NEURL1: variants seen among roughly 807,000 people sequenced by gnomAD.
NEURL1 encodes the protein E3 ubiquitin-protein ligase NEURL1.
NEURL1 carries 26 observed loss-of-function variants against 41.2 expected under a neutral mutation model. The ratio of observed to expected loss-of-function variants is 0.63; its 90% CI spans 0.46 to 0.87. The LOEUF (loss-of-function observed/expected upper bound fraction) is 0.87, where lower values mean the gene tolerates loss of function less well. Among genes scored for constraint, NEURL1 ranks in the 40% least tolerant of loss-of-function variants. NEURL1 has a pLI of 0.00. For synonymous variants in NEURL1, 400 were observed against 402.3 expected (o/e 0.99, Z 0.07); for missense variants, 761 against 871.1 (o/e 0.87, Z 1.59).
At chr10:103,585,282 G>T in intron 4 of NEURL1, 57 bp downstream of exon 4, 1 of 1,390,866 alleles carries the variant, frequency 7.2e-7, no homozygotes, top group South Asian at 1.5e-5. Context: ...GGGACGATCC[G>T]GGTAGGAGAC....
At chr10:103,504,527 A>G (rs977558271) in intron 1 of NEURL1, among the ~76,000 whole-genome samples, 3 of 152,206 alleles carry the variant, frequency 2.0e-5, no homozygotes, top group African/African-American at 7.2e-5. Flanking sequence ...TGCTGTCAAC[A>G]TGACTCATTG....
At chr10:103,518,811 A>T (rs149787919) in intron 1 of NEURL1, among the ~76,000 whole-genome samples, 100 of 152,296 alleles carry the variant, frequency 6.6e-4, no homozygotes, top group Non-Finnish European at 1.1e-3. Flanking sequence ...CTGAGTGGAT[A>T]CCCACCCAAC....
intron 1 of NEURL1, among the ~76,000 whole-genome samples, chr10:103,563,563 C>A (rs192460648): frequency 2.7e-4 from 41 of 152,246 alleles, no homozygotes; most frequent in Middle Eastern, 3.4e-3. Flanking sequence ...CAGTGGGCTT[C>A]AGCTGGGCCT....
intron 1 of NEURL1, among the ~76,000 whole-genome samples, chr10:103,501,488 G>GA (rs899994490): frequency 2.7e-4 from 40 of 148,488 alleles, no homozygotes; most frequent in East Asian, 2.2e-3. Flanking sequence ...TCATAGGCAG[G>GA]AAAAAAAAAC....
Position 103,494,244 on chromosome 10 carries a change from C to A in NEURL1, c.-144C>A, listed in dbSNP as rs2033624523. 2 of 592,184 alleles carry A rather than the reference C, an allele frequency of 3.4e-6. No homozygotes were observed. The highest frequency in any genetic ancestry group is 2.3e-5 in the South Asian group (1 of 43,282). 36.7% of individuals were successfully genotyped at this position (592,184 alleles called of 1,614,324 possible). ...AGTCCAGAGAAAGGAAGCTGAGGAG[C>A]TGCCCGCCCGCCCCCGGCTGCAGCC... On this transcript the variant is annotated 5_prime_UTR_variant, in exon 1 of 6. It adds an upstream start codon to the 5' untranslated region. Transcript: ENST00000369780.
intron 1 of NEURL1, among the ~76,000 whole-genome samples, chr10:103,518,807 G>A (rs916049022): frequency 2.0e-5 from 3 of 152,322 alleles, no homozygotes; most frequent in Middle Eastern, 3.4e-3. Context: ...AAGGCTGAGT[G>A]GATACCCACC....
chr10:103,511,478 A>G (rs1232332859), intron 1 of NEURL1, among the ~76,000 whole-genome samples: 1 of 152,218 alleles, frequency 6.6e-6, no homozygotes, highest in Non-Finnish European at 1.5e-5. Context: ...GCAGGATAGA[A>G]TGCACTGTAG....
At chr10:103,520,692 T>C (rs1211092111) in intron 1 of NEURL1, among the ~76,000 whole-genome samples, 1 of 151,956 alleles carries the variant, frequency 6.6e-6, no homozygotes, top group Non-Finnish European at 1.5e-5. Flanking sequence ...AGTGTCGAAG[T>C]GTTGGGGCAG....
At chr10:103,588,305 C>CAA (rs10678308) in intron 4 of NEURL1, among the ~76,000 whole-genome samples, 4,520 of 115,790 alleles carry the variant, frequency 0.039, 108 homozygotes, top group African/African-American at 0.082. Flanking sequence ...GACTCCGTCT[C>CAA]AAAAAAAAAA....
intron 5 of NEURL1, 132 bp downstream of exon 5, chr10:103,589,792 C>T (rs1330660742): frequency 8.7e-6 from 11 of 1,262,812 alleles, no homozygotes; most frequent in Non-Finnish European, 1.1e-5. Context: ...GGGGTGATTT[C>T]TGGGGTCATC....
intron 4 of NEURL1, chr10:103,588,783 A>G: frequency 4.7e-6 from 2 of 426,812 alleles, no homozygotes; most frequent in Non-Finnish European, 9.3e-6. Context: ...GTCTCTATTA[A>G]AAATATTAAA....
At chr10:103,514,924 C>A (rs2034164305) in intron 1 of NEURL1, among the ~76,000 whole-genome samples, 1 of 152,236 alleles carries the variant, frequency 6.6e-6, no homozygotes, top group East Asian at 1.9e-4. Flanking sequence ...TTAGTTCTAT[C>A]TCAGTCTACT....
At chr10:103,524,644 GTTTCATTTT>G (rs1208489069) in intron 1 of NEURL1, among the ~76,000 whole-genome samples, 1 of 152,134 alleles carries the variant, frequency 6.6e-6, no homozygotes, top group Non-Finnish European at 1.5e-5. Context: ...TACGGCTCTA[GTTTCATTTT>G]TCTGCATATG....
intron 1 of NEURL1, among the ~76,000 whole-genome samples, chr10:103,535,026 A>G (rs980894796): frequency 5.9e-5 from 9 of 152,126 alleles, no homozygotes; most frequent in Admixed American, 1.3e-4. Flanking sequence ...CATGGCTGCA[A>G]TTCAGGAACT....
At chr10:103,525,912 T>TA (rs772990120) in intron 1 of NEURL1, among the ~76,000 whole-genome samples, 3 of 152,230 alleles carry the variant, frequency 2.0e-5, no homozygotes, top group Non-Finnish European at 4.4e-5. Flanking sequence ...TGTGTTGAGA[T>TA]ATACTCCTTC....
Position 103,584,711 on chromosome 10 carries a change from G to C in NEURL1, c.825G>C (p.Gln275His). Reference sequence around the variant, plus strand: ...CGGCCGCCGGCTGCCCCATCCCGCAGAACTCACTCAACTCGCAGCACAGCC... The same window carrying C: ...CGGCCGCCGGCTGCCCCATCCCGCACAACTCACTCAACTCGCAGCACAGCC... ...AAPAAGCPIP[Q>H]NSLNSQHSRA... The change falls in exon 4 of 6, where the codon CAG (glutamine) becomes CAC (histidine). Residue 275 changes from glutamine to histidine, a missense_variant. Physicochemically the swap from Gln to His is conservative, Grantham distance 24. This residue lies in a region of NEURL1 where 443 missense variants were observed against 408.1 expected (regional missense o/e 1.09). Coordinates refer to ENST00000369780, the MANE Select transcript of NEURL1 (RefSeq NM_004210.5). 4 of 1,464,434 alleles carry C rather than the reference G, an allele frequency of 2.7e-6. No individual in the cohort carries two copies. The highest frequency in any genetic ancestry group is 3.6e-6 in the Non-Finnish European group (4 of 1,113,750). The allele number at this position is 1,464,434 out of a possible 1,614,324, so 90.7% of individuals were successfully genotyped here.
chr10:103,586,682 T>C (rs568191863), intron 4 of NEURL1, among the ~76,000 whole-genome samples: 19 of 152,150 alleles, frequency 1.2e-4, no homozygotes, highest in African/African-American at 4.6e-4. Flanking sequence ...GCATGAGAAA[T>C]CATATAAAAA....
At chr10:103,531,445 G>T (rs771413701) in intron 1 of NEURL1, among the ~76,000 whole-genome samples, 3 of 151,838 alleles carry the variant, frequency 2.0e-5, no homozygotes, top group Non-Finnish European at 4.4e-5. Context: ...TTGCTATGTT[G>T]CCCAGGCTGG....
chr10:103,520,812 C>T (rs138491098), intron 1 of NEURL1, among the ~76,000 whole-genome samples: 47 of 151,844 alleles, frequency 3.1e-4, no homozygotes, highest in Non-Finnish European at 5.6e-4. Flanking sequence ...ATTAAGCTGA[C>T]GGAAGATTCT....
Sources: gnomAD v4.1 joint callset for allele counts (sites outside exome capture counted in the v4.1 genomes callset) on GRCh38, gnomAD v4.1.1 for gene constraint, gnomAD v4.1.1 regional missense constraint, MANE v1.5 for transcripts, NCBI Gene and HGNC (gene_info 2026-07-23, HGNC 2026-07-21) for gene names.